Variants in RAD21L1 observed in about 807,000 individuals in gnomAD.
The protein encoded by RAD21L1 is RAD21 cohesin complex component like 1.
Under a neutral mutation model 69.0 loss-of-function variants are expected in RAD21L1, and 47 were observed. The ratio of observed to expected loss-of-function variants is 0.68; its 90% CI spans 0.54 to 0.87. RAD21L1 has a LOEUF of 0.87. Among genes scored for constraint, RAD21L1 ranks in the 40% least tolerant of loss-of-function variants. RAD21L1 has a pLI of 0.00. For missense variants in RAD21L1, 583 were observed against 647.6 expected, an observed-to-expected ratio of 0.90 and a Z score of 1.08; for synonymous variants, 177 against 205.8, an observed-to-expected ratio of 0.86 and a Z score of 1.20.
chr20:1,244,281 T>G, intron 11 of RAD21L1, 111 bp downstream of exon 11: 1 of 765,604 alleles, frequency 1.3e-6, no homozygotes, highest in Non-Finnish European at 1.9e-6. Flanking sequence ...TATTTCATTT[T>G]AAATTGTTTT....
chr20:1,242,995 G>A, intron 9 of RAD21L1, 102 bp from the exon 10 acceptor site: 1 of 920,242 alleles, frequency 1.1e-6, no homozygotes, highest in Non-Finnish European at 1.6e-6. Context: ...TCTGTATTGT[G>A]TGTATGAATT....
chr20:1,226,698 G>T (rs1354531585), intron 1 of RAD21L1, among the ~76,000 whole-genome samples: 1 of 152,080 alleles, frequency 6.6e-6, no homozygotes, highest in East Asian at 1.9e-4. Flanking sequence ...GTGGCTTCAC[G>T]TTGCACGAAG....
At chr20:1,243,072 A>G (rs1009416970) in intron 9 of RAD21L1, 25 bp from the exon 10 acceptor site, 2 of 1,449,120 alleles carry the variant, frequency 1.4e-6, no homozygotes, top group Non-Finnish European at 9.3e-7. Flanking sequence ...AAAAACAAAA[A>G]AAACAAAAAT....
Position 1,246,208 on chromosome 20 carries a change from A to G in RAD21L1, c.1309-5A>G. The G allele has an allele frequency of 6.6e-7, 1 of 1,516,576 alleles. No homozygotes were observed. Among genetic ancestry groups the G allele is most frequent in the Non-Finnish European group, 8.9e-7 (1 of 1,129,722 alleles). The allele number at this position is 1,516,576 out of a possible 1,614,324, so 93.9% of individuals were successfully genotyped here. On this transcript the variant is annotated splice_polypyrimidine_tract_variant and splice_region_variant and intron_variant, in intron 11 of 13. Transcript: ENST00000683101. The surrounding 1 kb of genome is among the most constrained non-coding windows in gnomAD (Gnocchi z 4.6). ...TACCTAACTTTCCCTAATTTGCTTC[A>G]GCAGGATATTGTTGAAATGGTGTCT... is the stretch of plus-strand genomic sequence containing the variant.
chr20:1,237,758 T>C (rs2087529861), intron 5 of RAD21L1, among the ~76,000 whole-genome samples: 1 of 152,178 alleles, frequency 6.6e-6, no homozygotes, highest in South Asian at 2.1e-4. Context: ...TTATTTTCCA[T>C]AGTACTTTTA....
Position 1,246,865 on chromosome 20 carries a change from T to C in RAD21L1, c.1401+560T>C, listed in dbSNP as rs972840878. Reference sequence around the variant, plus strand: ...CTGCTTATTAACTGTCTTATTTCTCTGGTATTATCCCAGCATACTGAAAAC... The same window carrying C: ...CTGCTTATTAACTGTCTTATTTCTCCGGTATTATCCCAGCATACTGAAAAC... On this transcript the variant is annotated intron_variant, in intron 12 of 13. Transcript: ENST00000683101. This position sits in a 1 kb window ranked among gnomAD's most constrained non-coding sequence, Gnocchi z 4.6. 1.3e-5 allele frequency among the ~76,000 whole-genome samples: 2 copies of C among 152,188 alleles called. No individual in the cohort carries two copies. The highest frequency in any genetic ancestry group is 2.9e-5 in the Non-Finnish European group (2 of 68,024).
rs2087895824 is a variant in RAD21L1, at chr20:1,254,404, G to A, written c.1615G>A (p.Ala539Thr). The change falls in exon 14 of 14, where the codon GCT (alanine) becomes ACT (threonine). Residue 539 changes from alanine to threonine, a missense_variant. Transcript: ENST00000683101. ...GCTGGCTATTGAGCTGAGCCAGAGTGCTCCCTATGCAGATATTATAGCTAC... is the reference window on the plus strand; with the variant it reads ...GCTGGCTATTGAGCTGAGCCAGAGTACTCCCTATGCAGATATTATAGCTAC... Reference protein sequence around the residue: ...KQLAIELSQSAPYADIIATMG... With the variant: ...KQLAIELSQSTPYADIIATMG... 1.9e-6 allele frequency: 3 copies of A among 1,550,010 alleles called. No individual in the cohort carries two copies. Among genetic ancestry groups the A allele is most frequent in the Non-Finnish European group, 2.6e-6 (3 of 1,146,246 alleles).
intron 1 of RAD21L1, among the ~76,000 whole-genome samples, chr20:1,226,995 C>G (rs1051072563): frequency 3.3e-5 from 5 of 152,300 alleles, no homozygotes; most frequent in African/African-American, 1.2e-4. Context: ...TTGCAGCCTC[C>G]GTCTCCCGGG....
chr20:1,252,807 C>T (rs2087861413), intron 13 of RAD21L1, among the ~76,000 whole-genome samples: 1 of 152,134 alleles, frequency 6.6e-6, no homozygotes, highest in South Asian at 2.1e-4. Flanking sequence ...TTGCTGGCTT[C>T]CCCCCTGCCA....
chr20:1,243,283 C>T lies in RAD21L1; in HGVS notation c.1183+87C>T, dbSNP rs562847784. 9.7e-6 allele frequency: 6 copies of T among 619,678 alleles called. No individual in the cohort carries two copies. In the South Asian group the frequency reaches 1.5e-4, roughly 15 times the overall value. The allele number at this position is 619,678 out of a possible 1,614,324, so 38.4% of individuals were successfully genotyped here. A position where few individuals can be genotyped will look rare whatever the true frequency, so the allele number is the denominator to read the frequency against. ...TTAAATTTCAAAATGAAGGTGGGATCCAATTCCATATTCTCAAGTATAAAT... is the reference window on the plus strand; with the variant it reads ...TTAAATTTCAAAATGAAGGTGGGATTCAATTCCATATTCTCAAGTATAAAT... On this transcript the variant is annotated intron_variant, in intron 10 of 13. Coordinates refer to ENST00000683101, the MANE Select transcript of RAD21L1 (RefSeq NM_001384355.1).
intron 3 of RAD21L1, chr20:1,230,857 A>G (rs2087375051): frequency 3.6e-6 from 1 of 281,152 alleles, no homozygotes; most frequent in Non-Finnish European, 5.4e-6. Context: ...ACCAAACACT[A>G]TGTTAGGCTC....
At chr20:1,244,655 T>G (rs2087684546) in intron 11 of RAD21L1, among the ~76,000 whole-genome samples, 1 of 152,212 alleles carries the variant, frequency 6.6e-6, no homozygotes, top group Non-Finnish European at 1.5e-5. Flanking sequence ...AAAAACTTTT[T>G]AAGATATAAT....
intron 2 of RAD21L1, among the ~76,000 whole-genome samples, chr20:1,229,257 C>T (rs1056452905): frequency 6.6e-6 from 1 of 152,176 alleles, no homozygotes; most frequent in Non-Finnish European, 1.5e-5. Flanking sequence ...TGCTTTATCA[C>T]TTAATATGTT....
At chr20:1,238,983 C>A (rs2087553292) in intron 6 of RAD21L1, among the ~76,000 whole-genome samples, 1 of 152,032 alleles carries the variant, frequency 6.6e-6, no homozygotes, top group African/African-American at 2.4e-5. Flanking sequence ...ACCACAATGT[C>A]CAGCTAATTT....
Position 1,246,206 on chromosome 20 carries a change from T to G in RAD21L1, c.1309-7T>G, listed in dbSNP as rs928977808. The G allele has an allele frequency of 9.9e-6, 15 of 1,511,536 alleles. No homozygotes were observed. In the African/African-American group the frequency reaches 2.1e-4, roughly 21 times the overall value. 93.6% of individuals were successfully genotyped at this position (1,511,536 alleles called of 1,614,324 possible). Reference sequence around the variant, plus strand: ...TTTACCTAACTTTCCCTAATTTGCTTCAGCAGGATATTGTTGAAATGGTGT... The same window carrying G: ...TTTACCTAACTTTCCCTAATTTGCTGCAGCAGGATATTGTTGAAATGGTGT... On this transcript the variant is annotated splice_polypyrimidine_tract_variant and splice_region_variant and intron_variant, in intron 11 of 13. Coordinates refer to ENST00000683101, the MANE Select transcript of RAD21L1 (RefSeq NM_001384355.1). The surrounding 1 kb of genome is among the most constrained non-coding windows in gnomAD (Gnocchi z 4.6).
At chr20:1,251,033 G>A (rs1309159100) in intron 13 of RAD21L1, among the ~76,000 whole-genome samples, 4 of 152,000 alleles carry the variant, frequency 2.6e-5, no homozygotes, top group Non-Finnish European at 4.4e-5. Context: ...TGGGTGCTTT[G>A]ATCTTTCTTT....
chr20:1,243,215 G>C lies in RAD21L1; in HGVS notation c.1183+19G>C. 7.9e-7 allele frequency: 1 copy of C among 1,261,486 alleles called. No homozygotes were observed. Among genetic ancestry groups the C allele is most frequent in the Non-Finnish European group, 1.1e-6 (1 of 912,580 alleles). The allele number at this position is 1,261,486 out of a possible 1,614,324, so 78.1% of individuals were successfully genotyped here. A position where few individuals can be genotyped will look rare whatever the true frequency, so the allele number is the denominator to read the frequency against. ...ATAGTAGGTGAGACTTCTTAATTCT[G>C]TTGATGTTGAGGGGAATGCTGTGGA... is the stretch of plus-strand genomic sequence containing the variant. On this transcript the variant is annotated intron_variant, in intron 10 of 13. Coordinates refer to ENST00000683101, the MANE Select transcript of RAD21L1 (RefSeq NM_001384355.1).
At chr20:1,226,248 A>G (rs1568512103) in intron 1 of RAD21L1, 108 bp downstream of exon 1, 1 of 151,348 alleles carries the variant, frequency 6.6e-6, no homozygotes, top group Non-Finnish European at 1.5e-5. Context: ...CCGGCGCCTC[A>G]CGCCGTGTTA....
intron 12 of RAD21L1, 55 bp from the exon 13 acceptor site, chr20:1,248,571 G>C: frequency 9.8e-7 from 1 of 1,016,094 alleles, no homozygotes. Flanking sequence ...TGGGCAAATA[G>C]TCAGCATTTA....
Sources: gnomAD v4.1 joint callset for allele counts (sites outside exome capture counted in the v4.1 genomes callset) on GRCh38, gnomAD v4.1.1 for gene constraint, Gnocchi (gnomAD v3.1) non-coding constraint, MANE v1.5 for transcripts, NCBI Gene and HGNC (gene_info 2026-07-23, HGNC 2026-07-21) for gene names.